The following ZEB1 variants were observed in gnomAD, a reference collection of about 807,000 sequenced individuals.
ZEB1 encodes the protein zinc finger E-box-binding homeobox 1.
A neutral mutation model predicts 84.9 loss-of-function variants in ZEB1; 21 were observed. That is an observed-to-expected ratio of 0.25 (90% confidence interval 0.18 to 0.36). The LOEUF (loss-of-function observed/expected upper bound fraction) is 0.36. Ranked by LOEUF, ZEB1 falls within the 10% of genes least tolerant of loss-of-function variation. The probability of loss-of-function intolerance (pLI) is 1.00; values close to 1 mark genes in which losing one functional copy is unlikely to be tolerated. For missense variants in ZEB1, 1,104 were observed against 1,330.2 expected (o/e 0.83, Z 2.65); for synonymous variants, 420 against 471.1 (o/e 0.89, Z 1.41).
At chr10:31,427,413 A>G (rs376510286) in intron 1 of ZEB1, among the ~76,000 whole-genome samples, 1 of 152,152 alleles carries the variant, frequency 6.6e-6, no homozygotes, top group South Asian at 2.1e-4. Flanking sequence ...AAAAGTATGA[A>G]AAGTGATAGC....
chr10:31,382,283 C>T (rs1047978653), intron 1 of ZEB1, among the ~76,000 whole-genome samples: 5 of 152,196 alleles, frequency 3.3e-5, no homozygotes, highest in South Asian at 2.1e-4. Context: ...AAATGATTTT[C>T]TTAATTTTTG....
intron 1 of ZEB1, among the ~76,000 whole-genome samples, chr10:31,371,833 T>C (rs934740325): frequency 6.6e-6 from 1 of 152,320 alleles, no homozygotes; most frequent in Non-Finnish European, 1.5e-5. Context: ...GTCAGTGTTA[T>C]TAACTCAAAG....
intron 1 of ZEB1, among the ~76,000 whole-genome samples, chr10:31,441,308 A>G (rs1036172855): frequency 5.3e-5 from 8 of 152,266 alleles, no homozygotes; most frequent in African/African-American, 1.7e-4. Flanking sequence ...AAATGGGGAA[A>G]GAATTTCCTG....
chr10:31,349,292 A>G (rs1016418195), intron 1 of ZEB1, among the ~76,000 whole-genome samples: 1 of 152,212 alleles, frequency 6.6e-6, no homozygotes, highest in African/African-American at 2.4e-5. Context: ...TTGTGTGCGT[A>G]TACTACATTC....
Position 31,480,786 on chromosome 10 carries a change from G to T in ZEB1, c.260-14990G>T, listed in dbSNP as rs554146270. ...AGAATACAGTGTGTATAGGTCTTTT[G>T]GTCATTAGCCTTATAATAGGTAGTC... On this transcript the variant is annotated intron_variant, in intron 2 of 8. Coordinates refer to ENST00000424869, the MANE Select transcript of ZEB1 (RefSeq NM_001174096.2). Among the ~76,000 whole-genome samples the T allele has an allele frequency of 2.6e-5, 4 of 152,046 alleles. No individual in the cohort carries two copies. In the East Asian group the frequency reaches 5.8e-4, roughly 22 times the overall value.
rs148548699 is a variant in ZEB1 at position 31,421,316 on chromosome 10, A to G, written c.59-39721A>G. 2.3e-3 allele frequency among the ~76,000 whole-genome samples: 350 copies of G among 152,176 alleles called. 2 individuals are homozygous for G. In the East Asian group the frequency reaches 0.023, roughly 10 times the overall value. On this transcript the variant is annotated intron_variant, in intron 1 of 8. Transcript: ENST00000424869. ...ATCGGTGTGGGTTGTGACTTATGAG[A>G]GGGGCTACACATGCATGGGTTGGGA...
chr10:31,524,978 T>C (rs1367807805), intron 8 of ZEB1, among the ~76,000 whole-genome samples: 1 of 152,224 alleles, frequency 6.6e-6, no homozygotes, highest in Non-Finnish European at 1.5e-5. Flanking sequence ...TGGCAAACTA[T>C]AGCTCACAGG....
chr10:31,350,816 A>G (rs1184259590), intron 1 of ZEB1, among the ~76,000 whole-genome samples: 3 of 152,146 alleles, frequency 2.0e-5, no homozygotes, highest in Non-Finnish European at 2.9e-5. Flanking sequence ...GATAAAATAC[A>G]ATTTATGTTT....
intron 1 of ZEB1, among the ~76,000 whole-genome samples, chr10:31,400,243 C>A (rs975565851): frequency 2.0e-5 from 3 of 152,040 alleles, no homozygotes; most frequent in African/African-American, 7.2e-5. Context: ...TAGTGTTTGG[C>A]CCACGTTATA....
At chr10:31,482,428 T>C (rs914780574) in intron 2 of ZEB1, among the ~76,000 whole-genome samples, 3 of 150,900 alleles carry the variant, frequency 2.0e-5, no homozygotes, top group African/African-American at 7.3e-5. Flanking sequence ...CAGGAGGTTA[T>C]GGACACATGA....
chr10:31,354,044 A>G (rs777280824), intron 1 of ZEB1, among the ~76,000 whole-genome samples: 2 of 152,224 alleles, frequency 1.3e-5, no homozygotes, highest in Non-Finnish European at 2.9e-5. Flanking sequence ...GTTTCTCAGA[A>G]TATTTTAAAG....
chr10:31,417,290 C>G, intron 1 of ZEB1, among the ~76,000 whole-genome samples: 1 of 152,062 alleles, frequency 6.6e-6, no homozygotes, highest in East Asian at 1.9e-4. Flanking sequence ...ACTTCTTGTC[C>G]TAGTGCATCA....
intron 1 of ZEB1, among the ~76,000 whole-genome samples, chr10:31,335,267 C>T (rs889017859): frequency 6.6e-6 from 1 of 152,042 alleles, no homozygotes; most frequent in Admixed American, 6.6e-5. Context: ...GCTACCTGCC[C>T]ATTAGTTACC....
At chr10:31,422,573 C>T (rs2056344923) in intron 1 of ZEB1, among the ~76,000 whole-genome samples, 1 of 152,078 alleles carries the variant, frequency 6.6e-6, no homozygotes, top group African/African-American at 2.4e-5. Flanking sequence ...AAAGATGGTG[C>T]AGTAGCATCA....
intron 8 of ZEB1, among the ~76,000 whole-genome samples, chr10:31,525,365 G>A (rs1354480479): frequency 1.3e-5 from 2 of 152,158 alleles, no homozygotes; most frequent in Non-Finnish European, 2.9e-5. Flanking sequence ...CTGAAGGGTG[G>A]GGAAGCCCTG....
chr10:31,430,057 C>T (rs2136231480), intron 1 of ZEB1, among the ~76,000 whole-genome samples: 1 of 152,212 alleles, frequency 6.6e-6, no homozygotes, highest in African/African-American at 2.4e-5. Context: ...AGAACTTTTA[C>T]TTGAGGGAAG....
intron 1 of ZEB1, among the ~76,000 whole-genome samples, chr10:31,334,312 TTC>T (rs1418995708): frequency 1.3e-5 from 2 of 152,092 alleles, no homozygotes; most frequent in Non-Finnish European, 2.9e-5. Context: ...ACATTACACT[TTC>T]TGTTTACAAT....
At chr10:31,467,983 G>T (rs1390509980) in intron 2 of ZEB1, among the ~76,000 whole-genome samples, 1 of 152,098 alleles carries the variant, frequency 6.6e-6, no homozygotes, top group African/African-American at 2.4e-5. Context: ...ACCAGTCAGG[G>T]GTGTAGAAGC....
At chr10:31,522,036 G>A in intron 7 of ZEB1, 100 bp downstream of exon 7, 1 of 1,523,382 alleles carries the variant, frequency 6.6e-7, no homozygotes. Context: ...GAGCCAACTA[G>A]ATTATTACAA....
Sources: allele counts gnomAD v4.1 joint callset (sites outside exome capture counted in the v4.1 genomes callset), GRCh38; gene constraint gnomAD v4.1.1; transcripts MANE v1.5; gene names NCBI Gene and HGNC (gene_info 2026-07-23, HGNC 2026-07-21).